HIPK1: variants seen among roughly 807,000 people sequenced by gnomAD.
The protein encoded by HIPK1 is homeodomain-interacting protein kinase 1.
Under a neutral mutation model 117.1 loss-of-function variants are expected in HIPK1, and 28 were observed. The ratio of observed to expected loss-of-function variants is 0.24; its 90% confidence interval spans 0.18 to 0.33. The LOEUF (loss-of-function observed/expected upper bound fraction) is 0.33, where lower values mean the gene tolerates loss of function less well. HIPK1 is among the 10% of genes least tolerant of loss of function. The pLI is 1.00. For synonymous variants in HIPK1, 605 were observed against 562.5 expected, an observed-to-expected ratio of 1.08 and a Z score of -1.07; for missense variants, 1,122 against 1,475.1, an observed-to-expected ratio of 0.76 and a Z score of 3.92.
chr1:113,971,822 A>T lies in HIPK1; in HGVS notation c.3014-2A>T. ...TAACTATTAAGCCTGGTGCTTTTTT[A>T]GGTCTCCTGAGCAATAAGACTAAGC... On this transcript the variant is annotated splice_acceptor_variant, in intron 14 of 15. Coordinates refer to ENST00000426820, the MANE Select transcript of HIPK1 (RefSeq NM_198268.3). LOFTEE classifies it high-confidence loss of function. 2 of 1,587,280 alleles carry T rather than the reference A, an allele frequency of 1.3e-6. No individual in the cohort carries two copies. The highest frequency in any genetic ancestry group is 1.7e-6 in the Non-Finnish European group (2 of 1,172,048).
In HIPK1 at chr1:113,938,929, T is replaced by TATACACAC. The variant is rs1301679078; in HGVS notation, c.-2-1452_-2-1451insTACACACA. On this transcript the variant is annotated intron_variant, in intron 1 of 15. Coordinates refer to ENST00000426820, the MANE Select transcript of HIPK1 (RefSeq NM_198268.3). ...TGTCTCAAAAAAAAAAAAAAAAAAA[T>TATACACAC]ACACACACACACACACACACACACA... 4.2e-3 allele frequency among the ~76,000 whole-genome samples: 483 copies of TATACACAC among 115,512 alleles called. 31 individuals are homozygous for TATACACAC. The highest frequency in any genetic ancestry group is 0.015 in the African/African-American group (448 of 29,132). 75.8% of individuals were successfully genotyped at this position (115,512 alleles called of 152,430 possible).
rs765968321 is a variant in HIPK1, at chr1:113,958,121, A to G, written c.1811A>G (p.Asn604Ser). 6.2e-7 allele frequency: 1 copy of G among 1,614,166 alleles called. No homozygotes were observed. The highest frequency in any genetic ancestry group is 8.5e-7 in the Non-Finnish European group (1 of 1,180,032). The part of the protein sequence containing the change: ...TAAAATLSLA[N>S]SDVSLLNYQS... Reference sequence around the variant, plus strand: ...GCAGCTGCTACTCTTTCTCTGGCTAATTCAGATGTCTCACTACTAAACTAC... The same window carrying G: ...GCAGCTGCTACTCTTTCTCTGGCTAGTTCAGATGTCTCACTACTAAACTAC... The change falls in exon 8 of 16, where the codon AAT becomes AGT. Residue 604 changes from asparagine to serine, a missense_variant. Asn to Ser is a conservative substitution (Grantham distance 46, BLOSUM62 1). This residue lies in a region of HIPK1 where 731 missense variants were observed against 860.4 expected (regional missense o/e 0.85). Coordinates refer to ENST00000426820, the MANE Select transcript of HIPK1 (RefSeq NM_198268.3).
Position 113,962,343 on chromosome 1 carries a change from T to A in HIPK1, c.2008T>A (p.Ser670Thr). 6.2e-7 allele frequency: 1 copy of A among 1,613,928 alleles called. No homozygotes were observed. Among genetic ancestry groups the A allele is most frequent in the Non-Finnish European group, 8.5e-7 (1 of 1,179,860 alleles). ...QTGLQATTKHSGFPVRMDNAV... is the reference protein window; with the variant it reads ...QTGLQATTKHTGFPVRMDNAV... ...TGGACTACAAGCAACAACAAAGCAT[T>A]CTGGATTCCCTGTGAGGATGGATAA... Residue 670 changes from serine (S) to threonine (T), a missense_variant, in exon 9 of 16, where the codon TCT (serine) becomes ACT (threonine). Ser to Thr is a moderately conservative substitution (Grantham distance 58). This residue lies in a region of HIPK1 where 731 missense variants were observed against 860.4 expected (regional missense o/e 0.85). Coordinates refer to ENST00000426820, the MANE Select transcript of HIPK1 (RefSeq NM_198268.3).
intron 10 of HIPK1, among the ~76,000 whole-genome samples, chr1:113,965,279 C>T (rs572659532): frequency 7.3e-4 from 111 of 151,848 alleles, no homozygotes; most frequent in South Asian, 2.7e-3. Context: ...CTTCCAAATC[C>T]GTTCCCATTT....
chr1:113,936,717 C>T (rs894079833), intron 1 of HIPK1, among the ~76,000 whole-genome samples: 11 of 152,178 alleles, frequency 7.2e-5, no homozygotes, highest in Admixed American at 6.5e-4. Flanking sequence ...CCTGCCTTGG[C>T]CTCCCAAAAT....
intron 2 of HIPK1, among the ~76,000 whole-genome samples, chr1:113,948,265 C>T (rs1671118162): frequency 6.6e-6 from 1 of 152,078 alleles, no homozygotes; most frequent in Non-Finnish European, 1.5e-5. Context: ...AGCCTTACTG[C>T]TTTTTTGTTT....
Position 113,970,079 on chromosome 1 carries a change from T to C in HIPK1, c.2895T>C (p.Ser965=). ...CCCTGAGTGCTCTCCGAGGCAATAG[T>C]GGATCCGTTTTGGAGGGGCCTGGCA... The part of the protein sequence containing the change: ...TDTLSALRGN[S]GSVLEGPGRV... Residue 965 remains serine (S), a synonymous_variant, in exon 14 of 16, where the codon AGT becomes AGC. Coordinates refer to ENST00000426820, the MANE Select transcript of HIPK1 (RefSeq NM_198268.3). The C allele has an allele frequency of 6.2e-7, 1 of 1,614,168 alleles. No individual in the cohort carries two copies. The highest frequency in any genetic ancestry group is 1.1e-5 in the South Asian group (1 of 91,084).
chr1:113,936,875 T>C (rs1670284159), intron 1 of HIPK1, among the ~76,000 whole-genome samples: 1 of 152,248 alleles, frequency 6.6e-6, no homozygotes, highest in Non-Finnish European at 1.5e-5. Flanking sequence ...GTTGTGTTTA[T>C]GTTTTTTGAT....
chr1:113,935,075 A>G (rs1169006980), intron 1 of HIPK1, among the ~76,000 whole-genome samples: 1 of 147,510 alleles, frequency 6.8e-6, no homozygotes, highest in Non-Finnish European at 1.5e-5. Context: ...GGTTTGTTAT[A>G]TAGGTAATCT....
intron 12 of HIPK1, among the ~76,000 whole-genome samples, chr1:113,968,194 A>G (rs1672581784): frequency 6.6e-6 from 1 of 152,156 alleles, no homozygotes; most frequent in African/African-American, 2.4e-5. Context: ...TACTTTACAG[A>G]GTGAAATTTA....
rs1672999401 is a variant in HIPK1 at position 113,973,710 on chromosome 1, A to C, written c.*198A>C. ...TTGACTGCATTGTTGTAGTCTTCCCAAAGTTTGCCCTATTTTTAAATTCAT... is the reference window on the plus strand; with the variant it reads ...TTGACTGCATTGTTGTAGTCTTCCCCAAGTTTGCCCTATTTTTAAATTCAT... On this transcript the variant is annotated 3_prime_UTR_variant, in exon 16 of 16. Coordinates refer to ENST00000426820, the MANE Select transcript of HIPK1 (RefSeq NM_198268.3). 2.1e-6 allele frequency: 1 copy of C among 471,076 alleles called. No homozygotes were observed. Among genetic ancestry groups the C allele is most frequent in the Non-Finnish European group, 3.5e-6 (1 of 281,946 alleles). The allele number at this position is 471,076 out of a possible 1,614,324, so 29.2% of individuals were successfully genotyped here.
chr1:113,967,142 A>C (rs905806023), intron 11 of HIPK1, among the ~76,000 whole-genome samples: 1 of 152,194 alleles, frequency 6.6e-6, no homozygotes, highest in Non-Finnish European at 1.5e-5. Context: ...GTTGATGGAC[A>C]CTTAGGCTGC....
intron 1 of HIPK1, chr1:113,929,922 G>A: frequency 1.0e-6 from 1 of 986,072 alleles, no homozygotes; most frequent in South Asian, 4.7e-5. Flanking sequence ...TCGCGGCTGA[G>A]AACCAGACAC....
At chr1:113,971,608 A>G (rs1672827904) in intron 14 of HIPK1, among the ~76,000 whole-genome samples, 1 of 152,166 alleles carries the variant, frequency 6.6e-6, no homozygotes, top group South Asian at 2.1e-4. Flanking sequence ...AATATTTATA[A>G]TATTTATTTA....
rs999819938 is a variant in HIPK1, at chr1:113,941,997, G to A, written c.1076+538G>A. On this transcript the variant is annotated intron_variant, in intron 2 of 15. Coordinates refer to ENST00000426820, the MANE Select transcript of HIPK1 (RefSeq NM_198268.3). The surrounding 1 kb of genome is among the most constrained non-coding windows in gnomAD (Gnocchi z 4.9). ...AGGATGGTCTCGATATCCTGACCTC[G>A]TGATCCACCCGTCTCGGCCTCCCAA... 6.6e-6 allele frequency among the ~76,000 whole-genome samples: 1 copy of A among 151,630 alleles called. No individual in the cohort carries two copies. Among genetic ancestry groups the A allele is most frequent in the Non-Finnish European group, 1.5e-5 (1 of 67,964 alleles).
intron 3 of HIPK1, among the ~76,000 whole-genome samples, chr1:113,954,162 A>G (rs963561633): frequency 6.6e-6 from 1 of 151,846 alleles, no homozygotes; most frequent in Non-Finnish European, 1.5e-5. Context: ...GGATCTTGCT[A>G]TATCAGCCTA....
chr1:113,948,685 C>T (rs962100495), intron 2 of HIPK1, among the ~76,000 whole-genome samples: 3 of 151,546 alleles, frequency 2.0e-5, no homozygotes, highest in African/African-American at 7.3e-5. Flanking sequence ...GCTTTTGTCA[C>T]TCCAAAAGCA....
In HIPK1 at chr1:113,973,048, A is replaced by G. The variant is rs1255295332; in HGVS notation, c.3169A>G (p.Thr1057Ala). The G allele has an allele frequency of 9.2e-6, 14 of 1,516,666 alleles. No individual in the cohort carries two copies. The highest frequency in any genetic ancestry group is 2.8e-5 in the African/African-American group (2 of 71,554). 94.0% of individuals were successfully genotyped at this position (1,516,666 alleles called of 1,614,324 possible). Residue 1057 changes from threonine to alanine, a missense_variant, in exon 16 of 16, where the codon ACC becomes GCC. Physicochemically the swap from Thr to Ala is moderately conservative, Grantham distance 58. Coordinates refer to ENST00000426820, the MANE Select transcript of HIPK1 (RefSeq NM_198268.3). Reference sequence around the variant, plus strand: ...GAACCAGCAGTCATCGGCGGCTCCAACCTCACAGGAGAGAAGCAGCAACCC... The same window carrying G: ...GAACCAGCAGTCATCGGCGGCTCCAGCCTCACAGGAGAGAAGCAGCAACCC... ...SQNQQSSAAPTSQERSSNPAP... is the reference protein window; with the variant it reads ...SQNQQSSAAPASQERSSNPAP...
Position 113,943,987 on chromosome 1 carries a change from A to G in HIPK1, c.1076+2528A>G, listed in dbSNP as rs77985304. 2.0e-4 allele frequency among the ~76,000 whole-genome samples: 30 copies of G among 151,486 alleles called. 1 individual carries two copies. The East Asian group carries it at 5.8e-3, about 29-fold the overall frequency. On this transcript the variant is annotated intron_variant, in intron 2 of 15. Transcript: ENST00000426820. Reference sequence around the variant, plus strand: ...ACTCCACCATACCTGGCTAATTACTATTATTTTATTTTTTGTGGCGACAGT... The same window carrying G: ...ACTCCACCATACCTGGCTAATTACTGTTATTTTATTTTTTGTGGCGACAGT...
Sources: gnomAD v4.1 joint callset for allele counts (sites outside exome capture counted in the v4.1 genomes callset) on GRCh38, gnomAD v4.1.1 for gene constraint, gnomAD v4.1.1 regional missense constraint, Gnocchi (gnomAD v3.1) non-coding constraint, MANE v1.5 for transcripts, NCBI Gene and HGNC (gene_info 2026-07-23, HGNC 2026-07-21) for gene names.